The following NEK7 variants were observed in gnomAD, a reference collection of about 807,000 sequenced individuals.
NEK7 encodes the protein serine/threonine-protein kinase Nek7.
Under a neutral mutation model 44.6 loss-of-function variants are expected in NEK7, and 18 were observed. The ratio of observed to expected loss-of-function variants is 0.40; its 90% CI spans 0.28 to 0.60. NEK7 has a LOEUF of 0.60. NEK7 is among the 20% of genes least tolerant of loss of function. The probability of loss-of-function intolerance (pLI) is 0.38; values close to 1 mark genes in which losing one functional copy is unlikely to be tolerated. For missense variants in NEK7, 256 were observed against 366.5 expected, an observed-to-expected ratio of 0.70 and a Z score of 2.46; for synonymous variants, 130 against 121.1, an observed-to-expected ratio of 1.07 and a Z score of -0.48.
intron 1 of NEK7, among the ~76,000 whole-genome samples, chr1:198,160,284 A>G (rs890447808): frequency 1.1e-4 from 17 of 151,996 alleles, no homozygotes; most frequent in African/African-American, 4.1e-4. Context: ...AGGTAATTCC[A>G]AAATTTCTTT....
At chr1:198,183,594 CAT>C (rs1259755277) in intron 1 of NEK7, among the ~76,000 whole-genome samples, 3 of 152,104 alleles carry the variant, frequency 2.0e-5, no homozygotes, top group African/African-American at 4.8e-5. Context: ...ATGTCCTAAA[CAT>C]GTGTGTTAGT....
chr1:198,253,587 CA>C (rs1183318153), intron 3 of NEK7, among the ~76,000 whole-genome samples: 1 of 151,542 alleles, frequency 6.6e-6, no homozygotes, highest in Non-Finnish European at 1.5e-5. Context: ...ACTATACCAG[CA>C]AAAAAATGAA....
rs910753381 is a variant in NEK7 at position 198,202,221 on chromosome 1, TA to T, written c.-28-30330del. Among the ~76,000 whole-genome samples, 91 of 152,232 alleles carry T rather than the reference TA, an allele frequency of 6.0e-4. 2 individuals are homozygous for T. The highest frequency in any genetic ancestry group is 5.6e-3 in the Admixed American group (85 of 15,284). On this transcript the variant is annotated intron_variant, in intron 1 of 9. Coordinates refer to ENST00000367385, the MANE Select transcript of NEK7 (RefSeq NM_133494.3). ...TGTTCACAGGCATCAATCATCATAT[TA>T]ATGTTTCAGTGCCGTTGTAGGTGTC...
At chr1:198,172,422 G>A (rs763598301) in intron 1 of NEK7, among the ~76,000 whole-genome samples, 5 of 152,156 alleles carry the variant, frequency 3.3e-5, no homozygotes, top group East Asian at 1.9e-4. Flanking sequence ...CTCTTCTTCC[G>A]TTGGAATATT....
chr1:198,247,966 GA>G (rs1394521914), intron 2 of NEK7, among the ~76,000 whole-genome samples: 2 of 152,178 alleles, frequency 1.3e-5, no homozygotes, highest in African/African-American at 4.8e-5. Context: ...ATGTGCTCAT[GA>G]ACCAGTGCCA....
intron 3 of NEK7, among the ~76,000 whole-genome samples, chr1:198,257,345 CTTT>C (rs1380332351): frequency 6.6e-6 from 1 of 152,006 alleles, no homozygotes; most frequent in Non-Finnish European, 1.5e-5. Flanking sequence ...AAGCAAATAA[CTTT>C]TTAATTTCTA....
At chr1:198,220,077 T>G (rs1666040234) in intron 1 of NEK7, among the ~76,000 whole-genome samples, 1 of 152,010 alleles carries the variant, frequency 6.6e-6, no homozygotes, top group African/African-American at 2.4e-5. Context: ...CTTTATTAGG[T>G]GGCATTCTTT....
chr1:198,224,252 GT>G (rs1023642802), intron 1 of NEK7, among the ~76,000 whole-genome samples: 8 of 152,030 alleles, frequency 5.3e-5, no homozygotes, highest in African/African-American at 1.9e-4. Context: ...GTATTATAAT[GT>G]TTGTAGTGCA....
intron 1 of NEK7, among the ~76,000 whole-genome samples, chr1:198,208,948 T>C (rs2102811960): frequency 6.6e-6 from 1 of 152,006 alleles, no homozygotes; most frequent in East Asian, 1.9e-4. Context: ...TCGCTTTTCT[T>C]GGCTTCCTTC....
At chr1:198,290,413 T>G (rs1654516894) in intron 7 of NEK7, among the ~76,000 whole-genome samples, 1 of 152,216 alleles carries the variant, frequency 6.6e-6, no homozygotes, top group Non-Finnish European at 1.5e-5. Flanking sequence ...AACATATCAC[T>G]GCATTTAAAT....
intron 2 of NEK7, among the ~76,000 whole-genome samples, chr1:198,244,788 A>G (rs1040016002): frequency 1.3e-5 from 2 of 152,018 alleles, no homozygotes; most frequent in African/African-American, 4.8e-5. Flanking sequence ...TTTATTCTCT[A>G]CTTCATGGCA....
At chr1:198,241,014 A>G (rs917910755) in intron 2 of NEK7, among the ~76,000 whole-genome samples, 4 of 152,180 alleles carry the variant, frequency 2.6e-5, no homozygotes, top group Non-Finnish European at 4.4e-5. Flanking sequence ...TTTTTATACA[A>G]TTCACATGCT....
intron 1 of NEK7, among the ~76,000 whole-genome samples, chr1:198,202,557 A>G (rs1186733625): frequency 2.6e-5 from 4 of 152,186 alleles, no homozygotes; most frequent in Non-Finnish European, 5.9e-5. Context: ...TGCTTTTCTC[A>G]GAATCTCTCT....
intron 3 of NEK7, among the ~76,000 whole-genome samples, chr1:198,258,209 G>A (rs1463606317): frequency 6.6e-6 from 1 of 152,206 alleles, no homozygotes; most frequent in Non-Finnish European, 1.5e-5. Context: ...GGGAGGCTGA[G>A]GCGGGCAGAT....
intron 5 of NEK7, among the ~76,000 whole-genome samples, chr1:198,269,356 A>AT (rs1045383491): frequency 4.6e-5 from 7 of 151,956 alleles, no homozygotes; most frequent in African/African-American, 1.5e-4. Flanking sequence ...TATTCAGTGT[A>AT]TTTTTTTACG....
At chr1:198,206,649 C>T (rs1402388936) in intron 1 of NEK7, among the ~76,000 whole-genome samples, 1 of 151,856 alleles carries the variant, frequency 6.6e-6, no homozygotes. Flanking sequence ...GAGAATATGT[C>T]TGAAATACGG....
intron 1 of NEK7, among the ~76,000 whole-genome samples, chr1:198,213,998 T>C (rs2102825606): frequency 6.6e-6 from 1 of 151,890 alleles, no homozygotes; most frequent in African/African-American, 2.4e-5. Context: ...CCCACAGGAG[T>C]CAGTGAATCT....
intron 4 of NEK7, 137 bp from the exon 5 acceptor site, chr1:198,263,988 A>G (rs1438686592): frequency 2.6e-6 from 2 of 763,170 alleles, no homozygotes; most frequent in Non-Finnish European, 3.7e-6. Context: ...ACAATTCACT[A>G]AAGAAAAGTA....
At chr1:198,301,297 TC>T (rs1456699142) in intron 9 of NEK7, among the ~76,000 whole-genome samples, 1 of 152,236 alleles carries the variant, frequency 6.6e-6, no homozygotes, top group Non-Finnish European at 1.5e-5. Flanking sequence ...ACGCCTGTAG[TC>T]CCAGCACTTT....
Sources: gnomAD v4.1 joint callset for allele counts (sites outside exome capture counted in the v4.1 genomes callset) on GRCh38, gnomAD v4.1.1 for gene constraint, MANE v1.5 for transcripts, NCBI Gene and HGNC (gene_info 2026-07-23, HGNC 2026-07-21) for gene names.